Variants in CELA3A observed in about 807,000 individuals in gnomAD.
CELA3A encodes chymotrypsin like elastase 3A.
In CELA3A, 35 loss-of-function variants were observed where a neutral mutation model predicts 38.6. The ratio of observed to expected loss-of-function variants is 0.91; its 90% CI spans 0.69 to 1.20. The LOEUF (loss-of-function observed/expected upper bound fraction) is 1.20, where lower values mean the gene tolerates loss of function less well. Ranked by LOEUF, CELA3A falls within the 50% of genes most tolerant of loss-of-function variation. CELA3A has a pLI of 0.00. For synonymous variants in CELA3A, 143 were observed against 136.7 expected (o/e 1.05, Z -0.32); for missense variants, 343 against 354.2 (o/e 0.97, Z 0.25).
chr1:22,007,417 G>T lies in CELA3A; in HGVS notation c.544G>T (p.Val182Leu). 6.8e-6 allele frequency: 11 copies of T among 1,612,554 alleles called. No individual in the cohort carries two copies. The highest frequency in any genetic ancestry group is 9.3e-6 in the Non-Finnish European group (11 of 1,179,414). The change falls in exon 6 of 8, where the codon GTG becomes TTG. Residue 182 changes from valine to leucine, a missense_variant. By Grantham distance (32) the Val-to-Leu change is conservative. Coordinates refer to ENST00000290122, the MANE Select transcript of CELA3A (RefSeq NM_005747.5). Reference protein sequence around the residue: ...PDKLQQARLPVVDYKHCSRWN... With the variant: ...PDKLQQARLPLVDYKHCSRWN... ...CAAGCTGCAGCAGGCCCGGCTGCCC[G>T]TGGTGGACTATAAGCACTGCTCCAG...
chr1:22,007,357 C>T lies in CELA3A; in HGVS notation c.500-16C>T. ...GTGCCCCCAGACCCCTGACTCGGTG[C>T]TTTTTATCCTTGCAGCCAATGGGCC... On this transcript the variant is annotated splice_polypyrimidine_tract_variant and intron_variant, in intron 5 of 7. Transcript: ENST00000290122. 6.2e-7 allele frequency: 1 copy of T among 1,603,410 alleles called. No homozygotes were observed. The highest frequency in any genetic ancestry group is 1.1e-5 in the South Asian group (1 of 89,652).
intron 5 of CELA3A, 42 bp from the exon 6 acceptor site, chr1:22,007,328 CGGT>C: frequency 6.4e-7 from 1 of 1,572,078 alleles, no homozygotes; most frequent in East Asian, 2.3e-5. Flanking sequence ...GGGCACCTAG[CGGT>C]GTGCCCCCAG....
At chr1:22,007,263 G>A (rs762957403) in intron 5 of CELA3A, 110 bp from the exon 6 acceptor site, 7 of 1,448,836 alleles carry the variant, frequency 4.8e-6, no homozygotes, top group Middle Eastern at 1.8e-4. Flanking sequence ...GCGGGTGGGA[G>A]GAGAGTCCTC....
intron 2 of CELA3A, among the ~76,000 whole-genome samples, 165 bp from the exon 3 acceptor site, chr1:22,005,281 AG>A (rs1207988280): frequency 1.3e-5 from 2 of 151,794 alleles, no homozygotes; most frequent in East Asian, 3.9e-4. Flanking sequence ...CACCACGGGC[AG>A]CTGCCCAGGT....
At chr1:22,003,526 T>C (rs1246835533) in intron 2 of CELA3A, among the ~76,000 whole-genome samples, 1 of 150,328 alleles carries the variant, frequency 6.7e-6, no homozygotes, top group Non-Finnish European at 1.5e-5. Context: ...TTAAATTTAA[T>C]TAAATTAGGC....
chr1:22,006,716 CAATAATAAT>C (rs111798236), intron 4 of CELA3A, among the ~76,000 whole-genome samples, 153 bp from the exon 5 acceptor site: 13 of 145,390 alleles, frequency 8.9e-5, no homozygotes, highest in Admixed American at 2.1e-4. Context: ...GACTCTGTCT[CAATAATAAT>C]AATAATAATA....
rs779049270 is a variant in CELA3A, at chr1:22,009,538, C to T, written c.643-167C>T. 8.6e-5 allele frequency among the ~76,000 whole-genome samples: 13 copies of T among 151,012 alleles called. 1 individual carries two copies. Among genetic ancestry groups the T allele is most frequent in the African/African-American group, 2.9e-4 (12 of 40,812 alleles). Reference sequence around the variant, plus strand: ...CTGCACTCCAGCCTGGACAGCAGAGCGAGACTCCATCTAAAAAAATAAAAA... The same window carrying T: ...CTGCACTCCAGCCTGGACAGCAGAGTGAGACTCCATCTAAAAAAATAAAAA... On this transcript the variant is annotated intron_variant, in intron 6 of 7. Coordinates refer to ENST00000290122, the MANE Select transcript of CELA3A (RefSeq NM_005747.5).
At position 22,005,559 on chromosome 1, in the gene CELA3A, C is replaced by T; in HGVS notation, c.227+15C>T. Reference sequence around the variant, plus strand: ...CACTGCATCTCGTGAGTTCTCTACCCTGTCCCTGCCTGTGGCCCTGGGCAG... The same window carrying T: ...CACTGCATCTCGTGAGTTCTCTACCTTGTCCCTGCCTGTGGCCCTGGGCAG... On this transcript the variant is annotated intron_variant, in intron 3 of 7. Transcript: ENST00000290122. The T allele has an allele frequency of 6.2e-7, 1 of 1,612,732 alleles. No individual in the cohort carries two copies. Among genetic ancestry groups the T allele is most frequent in the Non-Finnish European group, 8.5e-7 (1 of 1,179,490 alleles).
chr1:22,003,915 G>C (rs914987066), intron 2 of CELA3A, among the ~76,000 whole-genome samples: 1 of 150,254 alleles, frequency 6.7e-6, no homozygotes, highest in African/African-American at 2.5e-5. Flanking sequence ...TGTTGGCCAG[G>C]CCAGTCTGGA....
Position 22,001,989 on chromosome 1 carries a change from A to G in CELA3A, c.43+272A>G, listed in dbSNP as rs144070684. On this transcript the variant is annotated intron_variant, in intron 1 of 7. Coordinates refer to ENST00000290122, the MANE Select transcript of CELA3A (RefSeq NM_005747.5). ...CAAAGTCAAACGGTTAAGAGTTTGG[A>G]CTGTGTGGTTGGACTTCTTGGGTTG... 2.4e-3 allele frequency among the ~76,000 whole-genome samples: 362 copies of G among 150,966 alleles called. 17 individuals are homozygous for G. Among genetic ancestry groups the G allele is most frequent in the Middle Eastern group, 0.014 (4 of 292 alleles).
intron 1 of CELA3A, among the ~76,000 whole-genome samples, chr1:22,002,025 A>T (rs12070671): frequency 0.024 from 3,647 of 150,820 alleles, 272 homozygotes; most frequent in African/African-American, 0.084. Flanking sequence ...GAATTTCCAC[A>T]GTTCTACTTA....
intron 1 of CELA3A, chr1:22,002,568 C>T (rs186897714): frequency 6.6e-4 from 302 of 455,588 alleles, no homozygotes; most frequent in African/African-American, 5.8e-3. Context: ...GTCTCAAACT[C>T]CCGGGCTCAA....
chr1:22,004,513 A>G (rs1339412901), intron 2 of CELA3A, among the ~76,000 whole-genome samples: 1 of 150,950 alleles, frequency 6.6e-6, no homozygotes, highest in African/African-American at 2.5e-5. Context: ...ATGGCCAGAG[A>G]GTGAATATTT....
chr1:22,008,152 C>CTCTTTT lies in CELA3A; in HGVS notation c.642+638_642+639insCTTTTT, dbSNP rs1553188585. The stretch of plus-strand genomic sequence containing the variant: ...CTGGCGACACAGCAAGACGTTGTCT[C>CTCTTTT]TTTTTTTTTTTTTTTTGAGACAGGA... On this transcript the variant is annotated intron_variant, in intron 6 of 7. Coordinates refer to ENST00000290122, the MANE Select transcript of CELA3A (RefSeq NM_005747.5). Among the ~76,000 whole-genome samples the CTCTTTT allele has an allele frequency of 1.8e-3, 154 of 86,856 alleles. 5 individuals are homozygous for CTCTTTT. Among genetic ancestry groups the CTCTTTT allele is most frequent in the African/African-American group, 5.4e-3 (148 of 27,386 alleles). 57.0% of individuals were successfully genotyped at this position (86,856 alleles called of 152,430 possible).
rs182308250 is a variant in CELA3A, at chr1:22,005,488, G to A, written c.171G>A (p.Thr57=). 9.9e-6 allele frequency: 16 copies of A among 1,612,472 alleles called. 1 individual carries two copies. Among genetic ancestry groups the A allele is most frequent in the African/African-American group, 6.7e-5 (5 of 74,304 alleles). Residue 57 remains threonine (T), a synonymous_variant, in exon 3 of 8, where the codon ACG becomes ACA. Transcript: ENST00000290122. ...QYEKSGSFYH[T]CGGSLIAPDW... ...AGAAAAGTGGAAGCTTCTACCACAC[G>A]TGTGGCGGTAGCCTCATCGCCCCCG...
At chr1:22,003,613 G>A (rs1425317285) in intron 2 of CELA3A, among the ~76,000 whole-genome samples, 2 of 150,740 alleles carry the variant, frequency 1.3e-5, no homozygotes, top group Non-Finnish European at 2.9e-5. Context: ...CCTGGGAGTT[G>A]GAGGTTGCAG....
chr1:22,005,820 A>G, intron 4 of CELA3A, 24 bp downstream of exon 4: 1 of 1,609,846 alleles, frequency 6.2e-7, no homozygotes, highest in Non-Finnish European at 8.5e-7. Context: ...CCGGTCTGGA[A>G]CCCAGGGGCT....
chr1:22,011,231 A>G lies in CELA3A; in HGVS notation c.796-1219A>G, dbSNP rs1644982200. On this transcript the variant is annotated intron_variant, in intron 7 of 7. Transcript: ENST00000290122. ...CCCATCTCTACTAAGAATACAAAAA[A>G]TTAGCCGGGCGTATTGGTGCATGCC... 3 of 150,044 alleles carry G rather than the reference A, an allele frequency of 2.0e-5. 1 individual carries two copies. The highest frequency in any genetic ancestry group is 4.4e-5 in the Non-Finnish European group (3 of 67,678). 9.3% of individuals were successfully genotyped at this position (150,044 alleles called of 1,614,324 possible). A position where few individuals can be genotyped will look rare whatever the true frequency, so the allele number is the denominator to read the frequency against.
At chr1:22,005,940 T>G (rs950926390) in intron 4 of CELA3A, 144 bp downstream of exon 4, 41 of 1,496,496 alleles carry the variant, frequency 2.7e-5, no homozygotes, top group Non-Finnish European at 3.6e-5. Flanking sequence ...TCCAGCAGCC[T>G]GTGCCCAGGT....
Sources: gnomAD v4.1 joint callset for allele counts (sites outside exome capture counted in the v4.1 genomes callset) on GRCh38, gnomAD v4.1.1 for gene constraint, MANE v1.5 for transcripts, NCBI Gene and HGNC (gene_info 2026-07-23, HGNC 2026-07-21) for gene names.